Variants in GOLGA3 observed in about 807,000 individuals in gnomAD.
GOLGA3 encodes the protein golgin subfamily A member 3.
Under a neutral mutation model 169.4 loss-of-function variants are expected in GOLGA3, and 75 were observed. That is an observed-to-expected ratio of 0.44 (90% CI 0.37 to 0.54). The LOEUF is 0.54. Ranked by LOEUF, GOLGA3 falls within the 20% of genes least tolerant of loss-of-function variation. GOLGA3 has a pLI of 0.00. For synonymous variants in GOLGA3, 824 were observed against 822.4 expected, an observed-to-expected ratio of 1.00 and a Z score of -0.03; for missense variants, 1,899 against 1,930.0, an observed-to-expected ratio of 0.98 and a Z score of 0.30.
chr12:132,777,641 G>A lies in GOLGA3; in HGVS notation c.3722+25C>T, dbSNP rs1469898117. 14 of 1,612,674 alleles carry A rather than the reference G, an allele frequency of 8.7e-6. No homozygotes were observed. The highest frequency in any genetic ancestry group is 1.1e-5 in the Non-Finnish European group (13 of 1,179,416). ...CCATTGCCAGGACAGCCATGTTTGAGGGCTGGCGGGGCCCAGGCACTCACT... is the reference window on the plus strand; with the variant it reads ...CCATTGCCAGGACAGCCATGTTTGAAGGCTGGCGGGGCCCAGGCACTCACT... On this transcript the variant is annotated intron_variant, in intron 19 of 23. Coordinates refer to ENST00000450791, the MANE Select transcript of GOLGA3 (RefSeq NM_001389683.1). This position sits in a 1 kb window ranked among gnomAD's most constrained non-coding sequence, Gnocchi z 4.7.
intron 11 of GOLGA3, among the ~76,000 whole-genome samples, chr12:132,792,887 A>C (rs34461686): frequency 0.27 from 11,316 of 42,566 alleles, 2,747 homozygotes; most frequent in Non-Finnish European, 0.37. Flanking sequence ...CAGACCCACC[A>C]CACGGGATCT....
At chr12:132,797,953 T>C (rs929993624) in intron 9 of GOLGA3, among the ~76,000 whole-genome samples, 1 of 152,240 alleles carries the variant, frequency 6.6e-6, no homozygotes, top group Non-Finnish European at 1.5e-5. Context: ...AAAAACGCAC[T>C]GGCCCCTTCC....
intron 13 of GOLGA3, 111 bp downstream of exon 13, chr12:132,788,916 G>GAC (rs372715892): frequency 8.1e-5 from 8 of 98,694 alleles, no homozygotes; most frequent in Admixed American, 1.6e-4. Context: ...CCCCGACCCA[G>GAC]ACAGACCCCG....
chr12:132,779,614 A>G (rs1339803425), intron 18 of GOLGA3, among the ~76,000 whole-genome samples: 3 of 152,208 alleles, frequency 2.0e-5, no homozygotes, highest in Admixed American at 2.0e-4. Context: ...TTTAAAGGAA[A>G]AGTGATGTGT....
chr12:132,774,700 C>CT (rs910677030), intron 22 of GOLGA3: 2 of 397,482 alleles, frequency 5.0e-6, no homozygotes, highest in African/African-American at 2.1e-5. Context: ...TTTTCTGGGA[C>CT]TTCAAACTTT....
At chr12:132,816,920 C>T (rs983644513) in intron 2 of GOLGA3, 108 bp from the exon 3 acceptor site, 14 of 1,009,590 alleles carry the variant, frequency 1.4e-5, no homozygotes, top group South Asian at 8.5e-5. Flanking sequence ...CTCATGAGCA[C>T]GGCACTTTCT....
At position 132,798,363 on chromosome 12, in the gene GOLGA3, C is replaced by G. The variant is rs774060289; in HGVS notation, c.1915G>C (p.Ala639Pro). The part of the protein sequence containing the change: ...HRSMKEKGRI[A>P]AQLQGIEADM... ...ACCTCAATGCCCTGCAGCTGTGCCGCGATGCGCCCCTTCTCCTTCATGGAC... is the reference window on the plus strand; with the variant it reads ...ACCTCAATGCCCTGCAGCTGTGCCGGGATGCGCCCCTTCTCCTTCATGGAC... The change falls in exon 9 of 24, where the codon GCG becomes CCG. Residue 639 changes from alanine to proline, a missense_variant. By Grantham distance (27) the Ala-to-Pro change is conservative. Coordinates refer to ENST00000450791, the MANE Select transcript of GOLGA3 (RefSeq NM_001389683.1). The G allele has an allele frequency of 6.2e-7, 1 of 1,612,916 alleles. No homozygotes were observed. Among genetic ancestry groups the G allele is most frequent in the Non-Finnish European group, 8.5e-7 (1 of 1,179,716 alleles).
At chr12:132,816,502 A>G in intron 3 of GOLGA3, 38 bp downstream of exon 3, 1 of 1,600,184 alleles carries the variant, frequency 6.2e-7, no homozygotes, top group African/African-American at 1.3e-5. Flanking sequence ...AGCGACGCGG[A>G]CGTGGAGGGT....
At chr12:132,775,572 G>C (rs910173721) in intron 21 of GOLGA3, among the ~76,000 whole-genome samples, 1 of 152,158 alleles carries the variant, frequency 6.6e-6, no homozygotes, top group Non-Finnish European at 1.5e-5. Context: ...TTGATGCTCA[G>C]AAAGTTTCAG....
At chr12:132,790,502 T>C (rs1380403096) in intron 12 of GOLGA3, among the ~76,000 whole-genome samples, 3 of 152,184 alleles carry the variant, frequency 2.0e-5, no homozygotes, top group Non-Finnish European at 4.4e-5. Flanking sequence ...AAAATTTATA[T>C]TCCGTGTCTT....
chr12:132,802,481 C>T (rs2136539211), intron 7 of GOLGA3, among the ~76,000 whole-genome samples: 1 of 151,882 alleles, frequency 6.6e-6, no homozygotes, highest in African/African-American at 2.4e-5. Flanking sequence ...AAAAATTAGC[C>T]AGGCGGGGTG....
chr12:132,792,476 G>A (rs982473107), intron 11 of GOLGA3, among the ~76,000 whole-genome samples: 2 of 152,226 alleles, frequency 1.3e-5, no homozygotes, highest in African/African-American at 4.8e-5. Context: ...CCAGGCTCTG[G>A]TCCTTGTCCT....
intron 12 of GOLGA3, among the ~76,000 whole-genome samples, chr12:132,790,397 A>G (rs1566093195): frequency 6.6e-6 from 1 of 152,222 alleles, no homozygotes; most frequent in Non-Finnish European, 1.5e-5. Flanking sequence ...ACCCTCGCTC[A>G]GAAATAAAAC....
chr12:132,792,175 G>T (rs1260315143), intron 11 of GOLGA3, among the ~76,000 whole-genome samples: 1 of 152,190 alleles, frequency 6.6e-6, no homozygotes, highest in East Asian at 1.9e-4. Flanking sequence ...GTTCTGACGG[G>T]AACTGGTGGT....
At position 132,807,287 on chromosome 12, in the gene GOLGA3, C is replaced by A; in HGVS notation, c.1180G>T (p.Val394Leu). 6.5e-7 allele frequency: 1 copy of A among 1,546,226 alleles called. No homozygotes were observed. Among genetic ancestry groups the A allele is most frequent in the Non-Finnish European group, 8.8e-7 (1 of 1,138,566 alleles). ...TCTGCTGCAGAGCTCTCCAAGGACA[C>A]GCTGGGGACAAAGGCACGGGTCAGG... Reference protein sequence around the residue: ...RSRRDSICSSVSLESSAAETQ... With the variant: ...RSRRDSICSSLSLESSAAETQ... Residue 394 changes from valine to leucine, a missense_variant and splice_region_variant, in exon 6 of 24, where the codon GTG becomes TTG. Transcript: ENST00000450791.
In GOLGA3 at chr12:132,807,220, C is replaced by T. The variant is rs762755628; in HGVS notation, c.1247G>A (p.Arg416Gln). 8.1e-6 allele frequency: 13 copies of T among 1,605,630 alleles called. No individual in the cohort carries two copies. Among genetic ancestry groups the T allele is most frequent in the African/African-American group, 1.3e-5 (1 of 74,804 alleles). ...EMLQVLKEKMRLEGQLEALSL... is the reference protein window; with the variant it reads ...EMLQVLKEKMQLEGQLEALSL... Reference sequence around the variant, plus strand: ...CAAGGCTTCCAGCTGTCCTTCGAGTCGCATTTTCTCTTTGAGCACCTGCAG... The same window carrying T: ...CAAGGCTTCCAGCTGTCCTTCGAGTTGCATTTTCTCTTTGAGCACCTGCAG... The change falls in exon 6 of 24, where the codon CGA (arginine) becomes CAA (glutamine). Residue 416 changes from arginine (R) to glutamine (Q), a missense_variant. By Grantham distance (43) the Arg-to-Gln change is conservative (BLOSUM62 1). Transcript: ENST00000450791.
rs201399868 is a variant in GOLGA3, at chr12:132,780,895, C to T, written c.3485G>A (p.Arg1162His). ...LNLQVQAVLQ[R>H]KEEEDRQMKH... ...CATCTGGCGATCCTCCTCTTCTTTG[C>T]GCTGCAAAACTGCCTGCACCTAGAT... The change falls in exon 18 of 24, where the codon CGC becomes CAC. Residue 1162 changes from arginine (R) to histidine (H), a missense_variant. Transcript: ENST00000450791. The T allele has an allele frequency of 2.3e-5, 37 of 1,611,138 alleles. No individual in the cohort carries two copies. The highest frequency in any genetic ancestry group is 8.0e-5 in the African/African-American group (6 of 75,044).
intron 4 of GOLGA3, 121 bp from the exon 5 acceptor site, chr12:132,808,670 C>T: frequency 2.6e-6 from 2 of 782,294 alleles, no homozygotes; most frequent in South Asian, 3.4e-5. Flanking sequence ...GAGAGCACCA[C>T]CTCCCCAGCC....
chr12:132,788,459 AC>A (rs895345910), intron 13 of GOLGA3, among the ~76,000 whole-genome samples: 7 of 151,422 alleles, frequency 4.6e-5, no homozygotes, highest in Non-Finnish European at 8.8e-5. Flanking sequence ...CCCCGCCTCT[AC>A]CCCTCACCTG....
Sources: allele counts gnomAD v4.1 joint callset (sites outside exome capture counted in the v4.1 genomes callset), GRCh38; gene constraint gnomAD v4.1.1; non-coding constraint Gnocchi (gnomAD v3.1); transcripts MANE v1.5; gene names NCBI Gene and HGNC (gene_info 2026-07-23, HGNC 2026-07-21).